SCAMP1: variants seen among roughly 807,000 people sequenced by gnomAD.
The protein encoded by SCAMP1 is secretory carrier-associated membrane protein 1.
SCAMP1 carries 15 observed loss-of-function variants against 41.8 expected under a neutral mutation model. That is an observed-to-expected ratio of 0.36 (90% confidence interval 0.24 to 0.55). The LOEUF (loss-of-function observed/expected upper bound fraction) is 0.55, where lower values mean the gene tolerates loss of function less well. SCAMP1 is among the 20% of genes least tolerant of loss of function. The pLI, the probability that SCAMP1 is intolerant of heterozygous loss-of-function variation, is 0.86. For synonymous variants in SCAMP1, 135 were observed against 136.8 expected, an observed-to-expected ratio of 0.99 and a Z score of 0.09; for missense variants, 341 against 412.6, an observed-to-expected ratio of 0.83 and a Z score of 1.50.
chr5:78,437,258 G>C (rs967148434), intron 6 of SCAMP1, among the ~76,000 whole-genome samples: 7 of 152,220 alleles, frequency 4.6e-5, no homozygotes, highest in Non-Finnish European at 7.3e-5. Context: ...TGTTGAATAG[G>C]AGTGGTGAGA....
At chr5:78,373,936 T>C (rs1013984603) in intron 1 of SCAMP1, among the ~76,000 whole-genome samples, 1 of 152,148 alleles carries the variant, frequency 6.6e-6, no homozygotes, top group Non-Finnish European at 1.5e-5. Context: ...AATAGGTCTT[T>C]ATGGTTATTT....
chr5:78,368,885 TA>T (rs1325948409), intron 1 of SCAMP1, among the ~76,000 whole-genome samples: 1 of 152,040 alleles, frequency 6.6e-6, no homozygotes, highest in African/African-American at 2.4e-5. Context: ...TACTTGAAGG[TA>T]AAGGTAAATT....
intron 6 of SCAMP1, among the ~76,000 whole-genome samples, chr5:78,447,386 A>G (rs1753078023): frequency 6.6e-6 from 1 of 152,204 alleles, no homozygotes; most frequent in Non-Finnish European, 1.5e-5. Context: ...AAAATAGTAT[A>G]ATATTGACAA....
intron 7 of SCAMP1, among the ~76,000 whole-genome samples, chr5:78,457,183 C>G (rs1386613253): frequency 6.6e-6 from 1 of 152,062 alleles, no homozygotes; most frequent in Non-Finnish European, 1.5e-5. Context: ...CTTCTCTCAA[C>G]TCGTCAAAGT....
intron 6 of SCAMP1, among the ~76,000 whole-genome samples, chr5:78,429,067 T>G (rs13159112): frequency 0.37 from 56,230 of 151,924 alleles, 12,532 homozygotes; most frequent in Non-Finnish European, 0.5. Context: ...TATATTATGA[T>G]AATGTCTTCT....
intron 2 of SCAMP1, among the ~76,000 whole-genome samples, chr5:78,401,727 CCTT>C (rs1202645781): frequency 4.6e-5 from 7 of 152,080 alleles, no homozygotes; most frequent in African/African-American, 1.7e-4. Flanking sequence ...TTTTGTTCCT[CCTT>C]AGGGAGCCTG....
intron 1 of SCAMP1, among the ~76,000 whole-genome samples, chr5:78,378,276 A>T (rs1257874742): frequency 6.6e-6 from 1 of 152,240 alleles, no homozygotes; most frequent in Admixed American, 6.5e-5. Context: ...TTAGACTACT[A>T]TTTAGCTTAA....
intron 6 of SCAMP1, among the ~76,000 whole-genome samples, chr5:78,445,425 G>A (rs543042488): frequency 3.9e-5 from 6 of 152,280 alleles, no homozygotes; most frequent in Non-Finnish European, 5.9e-5. Context: ...CCATGATACC[G>A]TAAATACTTT....
chr5:78,465,258 T>C (rs1192264476), intron 8 of SCAMP1, among the ~76,000 whole-genome samples: 1 of 152,184 alleles, frequency 6.6e-6, no homozygotes, highest in African/African-American at 2.4e-5. Context: ...CGTGAACAAG[T>C]CTTTTAGCAT....
chr5:78,432,414 T>C lies in SCAMP1; in HGVS notation c.632+10454T>C, dbSNP rs6893737. Among the ~76,000 whole-genome samples the C allele has an allele frequency of 8.9e-3, 1,349 of 152,242 alleles. 16 individuals are homozygous for C. Among genetic ancestry groups the C allele is most frequent in the African/African-American group, 0.031 (1,271 of 41,570 alleles). ...CTAATAATCAGTTCTCTGATTTTTG[T>C]CTGAAAAAGTCTTCATTTTTTGTTC... On this transcript the variant is annotated intron_variant, in intron 6 of 8. Transcript: ENST00000621999.
At chr5:78,391,972 G>C (rs566496864) in intron 2 of SCAMP1, among the ~76,000 whole-genome samples, 1 of 151,934 alleles carries the variant, frequency 6.6e-6, no homozygotes, top group East Asian at 1.9e-4. Context: ...GTCCAGCTTC[G>C]GCTTGGCATC....
In SCAMP1 at chr5:78,418,782, AAAT is replaced by A; in HGVS notation, c.355_357del (p.Asn119del). ...TCTAAAAAAAATTTACAGGTAGAAA[AAAT>A]AATTGGCCACCTCTTCCTAGCAATT... On this transcript the variant is annotated inframe_deletion, in exon 5 of 9. Transcript: ENST00000621999. 1 of 1,527,536 alleles carries A rather than the reference AAAT, an allele frequency of 6.5e-7. No homozygotes were observed. The highest frequency in any genetic ancestry group is 8.8e-7 in the Non-Finnish European group (1 of 1,135,658). 94.6% of individuals were successfully genotyped at this position (1,527,536 alleles called of 1,614,324 possible). A position where few individuals can be genotyped will look rare whatever the true frequency, so the allele number is the denominator to read the frequency against.
intron 1 of SCAMP1, among the ~76,000 whole-genome samples, chr5:78,369,177 G>T (rs1186811434): frequency 6.6e-6 from 1 of 151,680 alleles, no homozygotes; most frequent in Admixed American, 6.6e-5. Context: ...CGTGATCTCG[G>T]CTCACTGCAA....
intron 7 of SCAMP1, among the ~76,000 whole-genome samples, chr5:78,457,441 G>A (rs1295498800): frequency 3.3e-5 from 5 of 152,012 alleles, no homozygotes; most frequent in Non-Finnish European, 5.9e-5. Flanking sequence ...GGAATACCCT[G>A]TCGTGTAAGG....
intron 8 of SCAMP1, among the ~76,000 whole-genome samples, chr5:78,466,059 A>G (rs1309355607): frequency 6.6e-6 from 1 of 152,250 alleles, no homozygotes; most frequent in Non-Finnish European, 1.5e-5. Flanking sequence ...ACTGACCATC[A>G]CAGCACCATT....
At chr5:78,428,868 GTTATT>G (rs1752530270) in intron 6 of SCAMP1, among the ~76,000 whole-genome samples, 1 of 151,878 alleles carries the variant, frequency 6.6e-6, no homozygotes, top group African/African-American at 2.4e-5. Context: ...TCCTTTTTAT[GTTATT>G]TTAGGTGGAA....
intron 8 of SCAMP1, among the ~76,000 whole-genome samples, chr5:78,472,454 C>T (rs1002712923): frequency 6.6e-6 from 1 of 151,606 alleles, no homozygotes; most frequent in African/African-American, 2.4e-5. Flanking sequence ...AAAACCTTGT[C>T]CCTGATATCA....
intron 2 of SCAMP1, among the ~76,000 whole-genome samples, chr5:78,404,133 A>G (rs927333205): frequency 7.6e-5 from 9 of 119,204 alleles, no homozygotes; most frequent in African/African-American, 2.2e-4. Context: ...AAAAAAAAAA[A>G]GGGTTTTAAA....
At chr5:78,399,839 T>C (rs1751755106) in intron 2 of SCAMP1, among the ~76,000 whole-genome samples, 1 of 152,248 alleles carries the variant, frequency 6.6e-6, no homozygotes, top group South Asian at 2.1e-4. Flanking sequence ...ATGCCATTGT[T>C]GTTCTATCTA....
Sources: gnomAD v4.1 joint callset for allele counts (sites outside exome capture counted in the v4.1 genomes callset) on GRCh38, gnomAD v4.1.1 for gene constraint, MANE v1.5 for transcripts, NCBI Gene and HGNC (gene_info 2026-07-23, HGNC 2026-07-21) for gene names.